The following BDNF variants were observed in gnomAD, a reference collection of about 807,000 sequenced individuals.
BDNF encodes neurotrophic factor BDNF precursor form.
In BDNF, 1 loss-of-function variant was observed where a neutral mutation model predicts 19.5. That is an observed-to-expected ratio of 0.05 (90% CI 0.02 to 0.24). The LOEUF (loss-of-function observed/expected upper bound fraction) is 0.24. Among genes scored for constraint, BDNF ranks in the 10% least tolerant of loss-of-function variants. BDNF has a pLI of 1.00. For synonymous variants in BDNF, 100 were observed against 121.6 expected, an observed-to-expected ratio of 0.82 and a Z score of 1.17; for missense variants, 195 against 317.6, an observed-to-expected ratio of 0.61 and a Z score of 2.93.
At chr11:27,665,092 TTC>T (rs1487190591) in intron 1 of BDNF, among the ~76,000 whole-genome samples, 1 of 152,246 alleles carries the variant, frequency 6.6e-6, no homozygotes, top group Non-Finnish European at 1.5e-5. Flanking sequence ...TCAATTAGAA[TTC>T]TGTTTTCTTT....
intron 1 of BDNF, among the ~76,000 whole-genome samples, chr11:27,678,558 G>A (rs1264354914): frequency 6.6e-6 from 1 of 152,264 alleles, no homozygotes; most frequent in East Asian, 1.9e-4. Flanking sequence ...AACTGGGAGC[G>A]CACTGTAAAG....
At chr11:27,700,507 G>A, upstream of BDNF, 8 of 966,596 alleles carry the variant, frequency 8.3e-6, no homozygotes, top group Non-Finnish European at 9.8e-6. Flanking sequence ...GCTTCGATTG[G>A]TCAAACGGCG....
upstream of BDNF, chr11:27,701,087 T>A (rs948725712): frequency 3.0e-6 from 4 of 1,324,704 alleles, no homozygotes; most frequent in Non-Finnish European, 4.0e-6. Context: ...TTAAACAGAG[T>A]TCGCGCACTG....
At chr11:27,700,517 G>A (rs1460818936), upstream of BDNF, 8 of 834,324 alleles carry the variant, frequency 9.6e-6, no homozygotes, top group Non-Finnish European at 1.1e-5. Context: ...GTCAAACGGC[G>A]CCGCCCCCCC....
At chr11:27,694,445 C>T (rs886675782) in intron 1 of BDNF, among the ~76,000 whole-genome samples, 5 of 152,246 alleles carry the variant, frequency 3.3e-5, no homozygotes, top group Admixed American at 2.0e-4. Context: ...TCTATTAGTG[C>T]ATTCAGCAAC....
chr11:27,694,410 A>T (rs1858711457), intron 1 of BDNF, among the ~76,000 whole-genome samples: 1 of 152,206 alleles, frequency 6.6e-6, no homozygotes, highest in Non-Finnish European at 1.5e-5. Flanking sequence ...ATCACTAGTG[A>T]TAATCTGAAG....
chr11:27,707,380 T>G (rs529983862), intron 1 of BDNF, among the ~76,000 whole-genome samples: 17 of 152,174 alleles, frequency 1.1e-4, no homozygotes, highest in African/African-American at 2.7e-4. Context: ...GTCTGTAAAA[T>G]CAGTCCAATT....
intron 1 of BDNF, among the ~76,000 whole-genome samples, chr11:27,663,192 C>T (rs370964406): frequency 9.9e-5 from 15 of 152,276 alleles, no homozygotes; most frequent in East Asian, 5.8e-4. Context: ...TTTCAACCTT[C>T]GGATGACTCT....
At chr11:27,719,585 C>T (rs1432631938) in intron 1 of BDNF, 6 of 984,586 alleles carry the variant, frequency 6.1e-6, no homozygotes, top group Non-Finnish European at 7.2e-6. Context: ...CTTGAGAAAG[C>T]GGGAACCCTC....
At chr11:27,697,156 C>CAGAGAGAGAGAGAGAG (rs1214718714) in intron 1 of BDNF, among the ~76,000 whole-genome samples, 2 of 69,226 alleles carry the variant, frequency 2.9e-5, no homozygotes, top group Non-Finnish European at 9.5e-5. Context: ...CACACACACA[C>CAGAGAGAGAGAGAGAG]ACACACACAG....
intron 1 of BDNF, among the ~76,000 whole-genome samples, chr11:27,671,536 C>T (rs1311187551): frequency 1.3e-5 from 2 of 151,886 alleles, no homozygotes; most frequent in Non-Finnish European, 2.9e-5. Flanking sequence ...TTTCATGCAA[C>T]CTAAAGTCTC....
intron 1 of BDNF, among the ~76,000 whole-genome samples, chr11:27,664,649 G>T (rs10767659): frequency 0.54 from 82,428 of 151,958 alleles, 25,461 homozygotes; most frequent in East Asian, 0.76. Flanking sequence ...TAGGTGTGGT[G>T]GTGCACACCT....
intron 1 of BDNF, among the ~76,000 whole-genome samples, chr11:27,719,094 A>T (rs1416109806): frequency 1.3e-5 from 2 of 152,204 alleles, no homozygotes; most frequent in Non-Finnish European, 2.9e-5. Context: ...TGGCAAGAGG[A>T]TAACGCAGCC....
chr11:27,694,924 A>G (rs1858808804), intron 1 of BDNF, among the ~76,000 whole-genome samples: 2 of 152,212 alleles, frequency 1.3e-5, no homozygotes, highest in African/African-American at 2.4e-5. Flanking sequence ...CATGAAAATA[A>G]TAAATGTTAA....
intron 1 of BDNF, among the ~76,000 whole-genome samples, chr11:27,693,083 T>C (rs1170745640): frequency 6.6e-6 from 1 of 152,244 alleles, no homozygotes; most frequent in Admixed American, 6.5e-5. Flanking sequence ...TGCATCCTGG[T>C]CACAGTGATT....
chr11:27,700,941 G>A (rs1451742493), upstream of BDNF: 4 of 1,350,280 alleles, frequency 3.0e-6, no homozygotes, highest in Admixed American at 5.9e-5. Flanking sequence ...CTCTGGGAGA[G>A]GGCGTGCGTT....
chr11:27,700,622 G>T (rs1289588837), upstream of BDNF: 20 of 983,552 alleles, frequency 2.0e-5, no homozygotes, highest in Non-Finnish European at 2.3e-5. Flanking sequence ...TTTTCCTCGC[G>T]CGGGGAACCG....
chr11:27,661,841 C>T (rs558882118), intron 1 of BDNF, among the ~76,000 whole-genome samples: 2 of 152,280 alleles, frequency 1.3e-5, no homozygotes, highest in African/African-American at 4.8e-5. Context: ...AAACTCCTCT[C>T]TCCCTCTCAC....
chr11:27,684,013 G>A (rs893301469), intron 1 of BDNF, among the ~76,000 whole-genome samples: 18 of 152,092 alleles, frequency 1.2e-4, no homozygotes, highest in African/African-American at 3.9e-4. Flanking sequence ...CCATTTTCAC[G>A]ATATTGATTC....
Sources: allele counts gnomAD v4.1 joint callset (sites outside exome capture counted in the v4.1 genomes callset), GRCh38; gene constraint gnomAD v4.1.1; transcripts MANE v1.5; gene names NCBI Gene and HGNC (gene_info 2026-07-23, HGNC 2026-07-21).